Variants in KCNQ5 observed in about 807,000 individuals in gnomAD.
KCNQ5 encodes potassium voltage-gated channel subfamily Q member 5.
A neutral mutation model predicts 98.2 loss-of-function variants in KCNQ5; 30 were observed. That is an observed-to-expected ratio of 0.31 (90% CI 0.23 to 0.41). The LOEUF is 0.41. Ranked by LOEUF, KCNQ5 falls within the 10% of genes least tolerant of loss-of-function variation. The pLI, the probability that KCNQ5 is intolerant of heterozygous loss-of-function variation, is 1.00. For missense variants in KCNQ5, 835 were observed against 1,182.5 expected, an observed-to-expected ratio of 0.71 and a Z score of 4.31; for synonymous variants, 458 against 449.4, an observed-to-expected ratio of 1.02 and a Z score of -0.24.
At position 72,743,093 on chromosome 6, in the gene KCNQ5, T is replaced by G. The variant is rs116503102; in HGVS notation, c.398+120506T>G. Among the ~76,000 whole-genome samples the G allele has an allele frequency of 3.5e-3, 530 of 152,270 alleles. 4 individuals are homozygous for G. Among genetic ancestry groups the G allele is most frequent in the African/African-American group, 0.012 (496 of 41,552 alleles). On this transcript the variant is annotated intron_variant, in intron 1 of 13. Coordinates refer to ENST00000370398, the MANE Select transcript of KCNQ5 (RefSeq NM_019842.4). ...TTCTGCAAAAAATTCTTCAAAAACC[T>G]TTGATCATTTTAACCATTTTAGGTG... is the stretch of plus-strand genomic sequence containing the variant.
intron 1 of KCNQ5, among the ~76,000 whole-genome samples, chr6:72,664,126 G>C (rs558755669): frequency 2.0e-5 from 3 of 152,146 alleles, no homozygotes; most frequent in Non-Finnish European, 4.4e-5. Flanking sequence ...AGTGGACATG[G>C]AATACAGGAG....
chr6:72,752,553 A>G (rs1384541421), intron 1 of KCNQ5, among the ~76,000 whole-genome samples: 5 of 152,116 alleles, frequency 3.3e-5, no homozygotes, highest in African/African-American at 1.2e-4. Context: ...ACCCATTGAT[A>G]TGAGCAATCA....
intron 1 of KCNQ5, among the ~76,000 whole-genome samples, chr6:72,742,418 G>T (rs1771177900): frequency 1.3e-5 from 2 of 152,140 alleles, no homozygotes; most frequent in Admixed American, 1.3e-4. Flanking sequence ...ATATACAATT[G>T]TTCCTTTCCC....
intron 1 of KCNQ5, among the ~76,000 whole-genome samples, chr6:72,828,461 G>C (rs1776099147): frequency 2.0e-5 from 3 of 151,850 alleles, no homozygotes; most frequent in Non-Finnish European, 4.4e-5. Context: ...TAAATTTATT[G>C]CTAGGTATTT....
intron 1 of KCNQ5, among the ~76,000 whole-genome samples, chr6:72,759,676 C>A (rs1772155783): frequency 6.6e-6 from 1 of 152,084 alleles, no homozygotes; most frequent in African/African-American, 2.4e-5. Context: ...TAAATTGCCA[C>A]CCTGTTAATG....
intron 1 of KCNQ5, among the ~76,000 whole-genome samples, chr6:72,740,515 A>G (rs1373991994): frequency 6.6e-6 from 1 of 152,144 alleles, no homozygotes; most frequent in Non-Finnish European, 1.5e-5. Context: ...CTAAAATGAG[A>G]TTCTCAAAGA....
chr6:72,637,255 T>G (rs200990953), intron 1 of KCNQ5, among the ~76,000 whole-genome samples: 1,401 of 32,786 alleles, frequency 0.043, 11 homozygotes, highest in Non-Finnish European at 0.094. Context: ...AAAAGTTGTG[T>G]TTTTTTTTAA....
intron 12 of KCNQ5, 114 bp downstream of exon 12, chr6:73,190,818 T>G (rs773132673): frequency 1.8e-4 from 105 of 598,704 alleles, no homozygotes; most frequent in Non-Finnish European, 2.5e-4. Context: ...TCATTTTTAG[T>G]GGGCAAATGG....
chr6:72,757,850 TATTA>T (rs905549025), intron 1 of KCNQ5, among the ~76,000 whole-genome samples: 12 of 152,138 alleles, frequency 7.9e-5, no homozygotes, highest in African/African-American at 2.7e-4. Context: ...AAATTAAAGA[TATTA>T]ATTATGAAGT....
intron 1 of KCNQ5, among the ~76,000 whole-genome samples, chr6:72,791,974 G>A (rs937053182): frequency 6.6e-6 from 1 of 152,100 alleles, no homozygotes; most frequent in South Asian, 2.1e-4. Flanking sequence ...ATGAACTTTG[G>A]GGGACACAAT....
chr6:72,746,390 C>T (rs543728751), intron 1 of KCNQ5, among the ~76,000 whole-genome samples: 4 of 152,214 alleles, frequency 2.6e-5, no homozygotes, highest in Non-Finnish European at 4.4e-5. Context: ...TGATTTTCTC[C>T]GTGCAACTTG....
At position 72,986,502 on chromosome 6, in the gene KCNQ5, TC is replaced by T. The variant is rs1768785705; in HGVS notation, c.399-17401del. 16 of 515,108 alleles carry T rather than the reference TC, an allele frequency of 3.1e-5. No individual in the cohort carries two copies. The East Asian group carries it at 5.0e-4, about 16-fold the overall frequency. The allele number at this position is 515,108 out of a possible 1,614,324, so 31.9% of individuals were successfully genotyped here. The stretch of plus-strand genomic sequence containing the variant: ...CAATGTTTCTCCTATAAGAGCCACA[TC>T]CCCCTCTAAGAGTGTGGTCCATGGG... On this transcript the variant is annotated intron_variant, in intron 1 of 13. Transcript: ENST00000370398.
At chr6:73,027,247 C>T (rs1343463805) in intron 2 of KCNQ5, among the ~76,000 whole-genome samples, 1 of 152,180 alleles carries the variant, frequency 6.6e-6, no homozygotes, top group African/African-American at 2.4e-5. Flanking sequence ...GGAAATGAAT[C>T]TCAAGCCCCT....
chr6:72,765,674 T>C (rs1772532200), intron 1 of KCNQ5, among the ~76,000 whole-genome samples: 1 of 152,058 alleles, frequency 6.6e-6, no homozygotes, highest in African/African-American at 2.4e-5. Flanking sequence ...AGGAGGCAGC[T>C]GATATCAACC....
At chr6:73,006,963 C>T (rs796468575) in intron 2 of KCNQ5, among the ~76,000 whole-genome samples, 6 of 152,300 alleles carry the variant, frequency 3.9e-5, no homozygotes, top group African/African-American at 1.2e-4. Flanking sequence ...TTGACACTCA[C>T]TCTTTTCCAC....
chr6:72,846,515 GA>G (rs201092733), intron 1 of KCNQ5, among the ~76,000 whole-genome samples: 29,755 of 141,574 alleles, frequency 0.21, 5,010 homozygotes, highest in African/African-American at 0.47. Context: ...CTCTACAGGG[GA>G]AAAAAAAAAA....
intron 10 of KCNQ5, among the ~76,000 whole-genome samples, chr6:73,149,828 G>A (rs1358109937): frequency 2.0e-5 from 3 of 146,440 alleles, no homozygotes; most frequent in African/African-American, 8.1e-5. Flanking sequence ...GAGAGAGAGG[G>A]AGGGAGGAAG....
chr6:72,710,049 G>C (rs1291389923), intron 1 of KCNQ5, among the ~76,000 whole-genome samples: 1 of 152,130 alleles, frequency 6.6e-6, no homozygotes, highest in Non-Finnish European at 1.5e-5. Flanking sequence ...TGGAGTGAGT[G>C]AGGGAAAGAA....
chr6:72,806,291 G>T (rs1056267138), intron 1 of KCNQ5, among the ~76,000 whole-genome samples: 1 of 151,996 alleles, frequency 6.6e-6, no homozygotes, highest in East Asian at 1.9e-4. Context: ...AAGCCATTTG[G>T]CACAAGAAAT....
Sources: gnomAD v4.1 joint callset for allele counts (sites outside exome capture counted in the v4.1 genomes callset) on GRCh38, gnomAD v4.1.1 for gene constraint, MANE v1.5 for transcripts, NCBI Gene and HGNC (gene_info 2026-07-23, HGNC 2026-07-21) for gene names.